Variants in GRHL2 observed in about 807,000 individuals in gnomAD.
The protein encoded by GRHL2 is grainyhead-like protein 2 homolog.
GRHL2 carries 21 observed loss-of-function variants against 83.8 expected under a neutral mutation model. That is an observed-to-expected ratio of 0.25 (90% CI 0.18 to 0.36). The LOEUF (loss-of-function observed/expected upper bound fraction) is 0.36, where lower values mean the gene tolerates loss of function less well. Ranked by LOEUF, GRHL2 falls within the 10% of genes least tolerant of loss-of-function variation. GRHL2 has a pLI of 1.00. For synonymous variants in GRHL2, 280 were observed against 278.9 expected, an observed-to-expected ratio of 1.00 and a Z score of -0.04; for missense variants, 623 against 781.8, an observed-to-expected ratio of 0.80 and a Z score of 2.42.
chr8:101,561,648 GAA>G (rs1027791074), intron 4 of GRHL2, among the ~76,000 whole-genome samples: 24 of 152,142 alleles, frequency 1.6e-4, no homozygotes, highest in Admixed American at 1.0e-3. Context: ...TTACTGCAAA[GAA>G]TATTTTATTT....
chr8:101,629,222 C>A (rs1813136645), intron 9 of GRHL2, among the ~76,000 whole-genome samples: 1 of 152,052 alleles, frequency 6.6e-6, no homozygotes, highest in African/African-American at 2.4e-5. Context: ...CAACCCTCAC[C>A]CTGATCAGTC....
chr8:101,655,977 C>G (rs1813776724), intron 14 of GRHL2, among the ~76,000 whole-genome samples: 1 of 152,234 alleles, frequency 6.6e-6, no homozygotes. Context: ...GCTGTTCCCT[C>G]TGCCTGAAAT....
chr8:101,511,279 T>G lies in GRHL2; in HGVS notation c.20+18490T>G, dbSNP rs1383836448. On this transcript the variant is annotated intron_variant, in intron 1 of 15. Transcript: ENST00000646743. Reference sequence around the variant, plus strand: ...AGGACAAATTCATAGAAGCGGAACCTTTGGGGCAAAGGCTAAGCATATTGA... The same window carrying G: ...AGGACAAATTCATAGAAGCGGAACCGTTGGGGCAAAGGCTAAGCATATTGA... Among the ~76,000 whole-genome samples, 11 of 152,204 alleles carry G rather than the reference T, an allele frequency of 7.2e-5. No homozygotes were observed. The East Asian group carries it at 2.1e-3, about 29-fold the overall frequency.
chr8:101,509,493 C>T (rs893916718), intron 1 of GRHL2, among the ~76,000 whole-genome samples: 2 of 152,002 alleles, frequency 1.3e-5, no homozygotes, highest in Admixed American at 6.6e-5. Context: ...TGAGATACAA[C>T]ATTAAAACAT....
chr8:101,536,359 G>C (rs775908847), intron 1 of GRHL2, among the ~76,000 whole-genome samples: 21 of 152,184 alleles, frequency 1.4e-4, no homozygotes, highest in Non-Finnish European at 2.8e-4. Context: ...GATAAGACTG[G>C]AGCTGTAATA....
chr8:101,664,551 A>G, intron 15 of GRHL2, 33 bp downstream of exon 15: 1 of 1,437,706 alleles, frequency 7.0e-7, no homozygotes, highest in South Asian at 1.1e-5. Flanking sequence ...ATTGACTTTC[A>G]AATCAGATAA....
intron 4 of GRHL2, among the ~76,000 whole-genome samples, chr8:101,566,961 C>T (rs1034080027): frequency 1.8e-4 from 27 of 152,034 alleles, no homozygotes; most frequent in Non-Finnish European, 2.9e-5. Context: ...GAGCACAGTG[C>T]CTGATATAAA....
At chr8:101,616,285 T>C (rs903154342) in intron 8 of GRHL2, among the ~76,000 whole-genome samples, 12 of 151,848 alleles carry the variant, frequency 7.9e-5, no homozygotes, top group African/African-American at 1.9e-4. Context: ...ATTCTCCTGC[T>C]TCAGCCTCCT....
intron 11 of GRHL2, among the ~76,000 whole-genome samples, chr8:101,634,911 G>A (rs774391167): frequency 2.6e-5 from 4 of 152,092 alleles, no homozygotes; most frequent in Non-Finnish European, 2.9e-5. Context: ...AGTCTCACTC[G>A]CCTGATACTG....
At chr8:101,501,446 G>A (rs575660615) in intron 1 of GRHL2, among the ~76,000 whole-genome samples, 1 of 152,278 alleles carries the variant, frequency 6.6e-6, no homozygotes, top group South Asian at 2.1e-4. Flanking sequence ...TAAGGCCCAT[G>A]AATTTAGATC....
At chr8:101,663,467 C>T (rs1482064205) in intron 14 of GRHL2, among the ~76,000 whole-genome samples, 1 of 151,904 alleles carries the variant, frequency 6.6e-6, no homozygotes, top group Non-Finnish European at 1.5e-5. Flanking sequence ...CAAAAATTAG[C>T]CAGGTGTGGT....
At chr8:101,506,519 C>T (rs535501953) in intron 1 of GRHL2, among the ~76,000 whole-genome samples, 1 of 152,272 alleles carries the variant, frequency 6.6e-6, no homozygotes, top group South Asian at 2.1e-4. Flanking sequence ...CTTTACCAAT[C>T]CCTTAAGTAT....
At chr8:101,572,787 T>C (rs1321112723) in intron 5 of GRHL2, among the ~76,000 whole-genome samples, 2 of 152,242 alleles carry the variant, frequency 1.3e-5, no homozygotes, top group Non-Finnish European at 1.5e-5. Context: ...AATCAGTGTT[T>C]TTCCTTTGTA....
chr8:101,593,818 C>T (rs1812333590), intron 7 of GRHL2, among the ~76,000 whole-genome samples: 1 of 151,920 alleles, frequency 6.6e-6, no homozygotes, highest in South Asian at 2.1e-4. Context: ...GTAATCCCAG[C>T]ACTTTGGGAG....
At chr8:101,632,983 T>A (rs181668326) in intron 11 of GRHL2, among the ~76,000 whole-genome samples, 29 of 152,300 alleles carry the variant, frequency 1.9e-4, no homozygotes, top group Admixed American at 9.2e-4. Context: ...TGGAATATTA[T>A]GCAGTCACTA....
intron 9 of GRHL2, among the ~76,000 whole-genome samples, chr8:101,624,430 A>T (rs528558370): frequency 6.6e-6 from 1 of 152,026 alleles, no homozygotes; most frequent in South Asian, 2.1e-4. Context: ...ACAGTAGGAC[A>T]GTACACAGTA....
At chr8:101,652,709 C>T (rs1209360903) in intron 14 of GRHL2, among the ~76,000 whole-genome samples, 2 of 151,800 alleles carry the variant, frequency 1.3e-5, no homozygotes, top group Non-Finnish European at 2.9e-5. Flanking sequence ...GGCTGTGCCT[C>T]TTGCTAGCTG....
rs553806641 is a variant in GRHL2 at position 101,590,506 on chromosome 8, C to T, written c.1004-8551C>T. Among the ~76,000 whole-genome samples, 8 of 152,222 alleles carry T rather than the reference C, an allele frequency of 5.3e-5. No individual in the cohort carries two copies. The East Asian group carries it at 1.5e-3, about 29-fold the overall frequency. On this transcript the variant is annotated intron_variant, in intron 7 of 15. Transcript: ENST00000646743. Reference sequence around the variant, plus strand: ...GTGCAAAGTGGAGACAAGTATTGGTCCCACCTTCCACTATGAGACTAGCAG... The same window carrying T: ...GTGCAAAGTGGAGACAAGTATTGGTTCCACCTTCCACTATGAGACTAGCAG...
chr8:101,509,107 C>CTTTCTCTCCTTCCT (rs1810397953), intron 1 of GRHL2, among the ~76,000 whole-genome samples: 1 of 94,800 alleles, frequency 1.1e-5, no homozygotes, highest in African/African-American at 4.4e-5. Flanking sequence ...CTTTCTTTCT[C>CTTTCTCTCCTTCCT]TCCTTCCTTC....
Sources: allele counts gnomAD v4.1 joint callset (sites outside exome capture counted in the v4.1 genomes callset), GRCh38; gene constraint gnomAD v4.1.1; transcripts MANE v1.5; gene names NCBI Gene and HGNC (gene_info 2026-07-23, HGNC 2026-07-21).